Variants in NCAPG2 observed in about 807,000 individuals in gnomAD.
The protein encoded by NCAPG2 is condensin-2 complex subunit G2.
Under a neutral mutation model 141.1 loss-of-function variants are expected in NCAPG2, and 53 were observed. The observed-to-expected ratio is 0.38, with a 90% CI of 0.30 to 0.47. The LOEUF (loss-of-function observed/expected upper bound fraction) is 0.47. Among genes scored for constraint, NCAPG2 ranks in the 20% least tolerant of loss-of-function variants. NCAPG2 has a pLI of 0.99. For missense variants in NCAPG2, 1,087 were observed against 1,389.0 expected (o/e 0.78, Z 3.46); for synonymous variants, 499 against 490.7 (o/e 1.02, Z -0.22).
At position 158,656,611 on chromosome 7, in the gene NCAPG2, C is replaced by T; in HGVS notation, c.2155G>A (p.Val719Met). 2 of 1,614,136 alleles carry T rather than the reference C, an allele frequency of 1.2e-6. No individual in the cohort carries two copies. The highest frequency in any genetic ancestry group is 1.7e-6 in the Non-Finnish European group (2 of 1,180,038). The part of the protein sequence containing the change: ...LLDCLCSWGQ[V>M]GHILELVDNW... Reference sequence around the variant, plus strand: ...TCAACAAGCTCCAGAATGTGCCCCACCTGCCCCCAGGAGCAGAGGCAATCC... The same window carrying T: ...TCAACAAGCTCCAGAATGTGCCCCATCTGCCCCCAGGAGCAGAGGCAATCC... Residue 719 changes from valine to methionine, a missense_variant, in exon 18 of 28, where the codon GTG becomes ATG. Coordinates refer to ENST00000356309, the MANE Select transcript of NCAPG2 (RefSeq NM_017760.7).
chr7:158,632,613 G>A (rs1199499009), intron 27 of NCAPG2, among the ~76,000 whole-genome samples: 1 of 152,156 alleles, frequency 6.6e-6, no homozygotes, highest in African/African-American at 2.4e-5. Context: ...GTCCAGCACT[G>A]CAAGTGAGAC....
chr7:158,640,519 C>G (rs190740451), intron 27 of NCAPG2: 40 of 152,128 alleles, frequency 2.6e-4, no homozygotes, highest in African/African-American at 9.6e-4. Flanking sequence ...GGCAACAGAG[C>G]AAGACTCTGT....
At position 158,673,772 on chromosome 7, in the gene NCAPG2, C is replaced by T. The variant is rs545732371; in HGVS notation, c.1326+1705G>A. ...GGGGAGCCCGTCACAGTGCAAGAGG[C>T]GCACGGCTCCCTGGCTCCTCAGCCA... On this transcript the variant is annotated intron_variant, in intron 12 of 27. Transcript: ENST00000356309. Among the ~76,000 whole-genome samples, 11 of 152,306 alleles carry T rather than the reference C, an allele frequency of 7.2e-5. No homozygotes were observed. In the East Asian group the frequency reaches 1.4e-3, roughly 19 times the overall value.
intron 24 of NCAPG2, 40 bp from the exon 25 acceptor site, chr7:158,646,603 A>C: frequency 7.3e-7 from 1 of 1,376,874 alleles, no homozygotes; most frequent in Non-Finnish European, 9.9e-7. Flanking sequence ...AACAGAGACT[A>C]GGCTACTTAC....
At chr7:158,636,408 T>C (rs1830199876) in intron 27 of NCAPG2, among the ~76,000 whole-genome samples, 1 of 150,872 alleles carries the variant, frequency 6.6e-6, no homozygotes, top group African/African-American at 2.4e-5. Flanking sequence ...TTTTCTTTTT[T>C]TTTTTTTTTT....
intron 27 of NCAPG2, among the ~76,000 whole-genome samples, chr7:158,632,909 G>C (rs939226087): frequency 1.3e-4 from 20 of 152,088 alleles, no homozygotes; most frequent in African/African-American, 4.8e-4. Flanking sequence ...TTCAAAACCT[G>C]CTTGCACTTT....
intron 4 of NCAPG2, among the ~76,000 whole-genome samples, chr7:158,691,736 T>A (rs1175389014): frequency 6.6e-6 from 1 of 152,222 alleles, no homozygotes; most frequent in Non-Finnish European, 1.5e-5. Flanking sequence ...AAAAGTACCA[T>A]CATTTAAATT....
chr7:158,642,315 G>A (rs543913291), intron 27 of NCAPG2, among the ~76,000 whole-genome samples: 3 of 152,292 alleles, frequency 2.0e-5, no homozygotes, highest in African/African-American at 7.2e-5. Context: ...CAGGAGGCTT[G>A]TTTGAGCCCA....
At chr7:158,636,528 A>G (rs1248460345) in intron 27 of NCAPG2, among the ~76,000 whole-genome samples, 1 of 151,386 alleles carries the variant, frequency 6.6e-6, no homozygotes, top group East Asian at 2.0e-4. Flanking sequence ...CAGCCTCCCA[A>G]GTAGCTGAGA....
intron 16 of NCAPG2, among the ~76,000 whole-genome samples, chr7:158,659,562 T>C (rs1458305365): frequency 4.6e-5 from 7 of 152,080 alleles, no homozygotes; most frequent in Non-Finnish European, 1.5e-5. Context: ...CAGTGCTTAG[T>C]AAATTGCAGC....
In NCAPG2 at chr7:158,652,496, G is replaced by A. The variant is rs760784374; in HGVS notation, c.2747-16C>T. On this transcript the variant is annotated splice_polypyrimidine_tract_variant and intron_variant, in intron 22 of 27. Transcript: ENST00000356309. Reference sequence around the variant, plus strand: ...AATCCCTTCACTAGAAAGAAAATTGGAATATATCAGTTTTCTAATCACACA... The same window carrying A: ...AATCCCTTCACTAGAAAGAAAATTGAAATATATCAGTTTTCTAATCACACA... 2 of 1,545,330 alleles carry A rather than the reference G, an allele frequency of 1.3e-6. No individual in the cohort carries two copies. Among genetic ancestry groups the A allele is most frequent in the Middle Eastern group, 1.7e-4 (1 of 5,804 alleles).
intron 6 of NCAPG2, among the ~76,000 whole-genome samples, chr7:158,688,731 A>AC (rs1480346226): frequency 8.5e-5 from 13 of 152,374 alleles, no homozygotes; most frequent in African/African-American, 3.1e-4. Context: ...GAAAGGCCTG[A>AC]CCAAGGGCAC....
At position 158,664,756 on chromosome 7, in the gene NCAPG2, C is replaced by G. The variant is rs1489655066; in HGVS notation, c.1480-6G>C. 6.2e-7 allele frequency: 1 copy of G among 1,608,084 alleles called. No individual in the cohort carries two copies. The highest frequency in any genetic ancestry group is 8.5e-7 in the Non-Finnish European group (1 of 1,176,160). ...ATGGGACATATTTTCCAAAACTGTG[C>G]AAAAAGCACATATGCAGAAGGAAAT... On this transcript the variant is annotated splice_polypyrimidine_tract_variant and splice_region_variant and intron_variant, in intron 13 of 27. Transcript: ENST00000356309.
At chr7:158,688,590 G>GCC (rs1240118134) in intron 6 of NCAPG2, among the ~76,000 whole-genome samples, 1 of 152,222 alleles carries the variant, frequency 6.6e-6, no homozygotes, top group Non-Finnish European at 1.5e-5. Context: ...GCAAAGGGCA[G>GCC]CCCTCCCCAG....
chr7:158,654,478 C>G, intron 22 of NCAPG2, 117 bp downstream of exon 22: 1 of 1,018,758 alleles, frequency 9.8e-7, no homozygotes, highest in Non-Finnish European at 1.4e-6. Context: ...TGGGATATGC[C>G]AGGTTGCATT....
intron 24 of NCAPG2, among the ~76,000 whole-genome samples, chr7:158,650,289 C>T (rs1335958190): frequency 1.3e-5 from 2 of 152,212 alleles, no homozygotes; most frequent in African/African-American, 4.8e-5. Context: ...TCATGATCCA[C>T]CTGCCTCCAC....
At chr7:158,701,735 T>C in intron 2 of NCAPG2, 87 bp downstream of exon 2, 2 of 1,202,454 alleles carry the variant, frequency 1.7e-6, no homozygotes, top group East Asian at 4.9e-5. Context: ...CTGAGATAAC[T>C]ATGTTTCTTT....
intron 9 of NCAPG2, 35 bp from the exon 10 acceptor site, chr7:158,680,851 CA>C (rs1198341797): frequency 2.8e-6 from 4 of 1,442,346 alleles, no homozygotes; most frequent in Non-Finnish European, 3.8e-6. Context: ...AAGGCATTAA[CA>C]AAAAAATAAA....
At chr7:158,656,771 G>A (rs958085546) in intron 17 of NCAPG2, 66 bp from the exon 18 acceptor site, 3 of 1,549,796 alleles carry the variant, frequency 1.9e-6, no homozygotes, top group Non-Finnish European at 2.6e-6. Flanking sequence ...TTGTCAAAAG[G>A]TGAGGAAAAC....
Sources: gnomAD v4.1 joint callset for allele counts (sites outside exome capture counted in the v4.1 genomes callset) on GRCh38, gnomAD v4.1.1 for gene constraint, MANE v1.5 for transcripts, NCBI Gene and HGNC (gene_info 2026-07-23, HGNC 2026-07-21) for gene names.